The following MRM3 variants were observed in gnomAD, a reference collection of about 807,000 sequenced individuals.
MRM3 encodes the protein rRNA methyltransferase 3, mitochondrial.
MRM3 carries 26 observed loss-of-function variants against 29.4 expected under a neutral mutation model. The ratio of observed to expected loss-of-function variants is 0.89; its 90% confidence interval spans 0.65 to 1.23. The LOEUF (loss-of-function observed/expected upper bound fraction) is 1.23, where lower values mean the gene tolerates loss of function less well. Ranked by LOEUF, MRM3 falls within the 50% of genes most tolerant of loss-of-function variation. The pLI, the probability that MRM3 is intolerant of heterozygous loss-of-function variation, is 0.00. For synonymous variants in MRM3, 225 were observed against 219.0 expected (o/e 1.03, Z -0.24); for missense variants, 578 against 540.2 (o/e 1.07, Z -0.69).
At chr17:784,869 GCT>G (rs371457230) in intron 2 of MRM3, among the ~76,000 whole-genome samples, 316 of 152,288 alleles carry the variant, frequency 2.1e-3, no homozygotes, top group African/African-American at 7.0e-3. Flanking sequence ...CGAAGTGGAG[GCT>G]CTCTCACAGC....
rs895525940 is a variant in MRM3 at position 791,719 on chromosome 17, C to T, written c.913C>T (p.His305Tyr). ...TGAGATGTCTAATAAAGCTAGTGAC[C>T]ATGGCTGGGTGTGTGATCAACGAGT... ...QAEMSNKASD[H>Y]GWVCDQRVMK... is the part of the protein sequence containing the mutation. Residue 305 changes from histidine to tyrosine, a missense_variant, in exon 4 of 4, where the codon CAT (histidine) becomes TAT (tyrosine). Coordinates refer to ENST00000304478, the MANE Select transcript of MRM3 (RefSeq NM_018146.4). 18 of 1,614,080 alleles carry T rather than the reference C, an allele frequency of 1.1e-5. No homozygotes were observed. The highest frequency in any genetic ancestry group is 1.4e-5 in the Non-Finnish European group (16 of 1,180,052).
chr17:790,486 C>T, intron 3 of MRM3: 1 of 181,244 alleles, frequency 5.5e-6, no homozygotes, highest in Non-Finnish European at 1.2e-5. Flanking sequence ...CTCCCACCTC[C>T]TGTGCCACTA....
chr17:787,837 G>A lies in MRM3; in HGVS notation c.560-128G>A. The A allele has an allele frequency of 8.0e-6, 8 of 996,244 alleles. No homozygotes were observed. The highest frequency in any genetic ancestry group is 1.5e-6 in the Non-Finnish European group (1 of 650,544). The allele number at this position is 996,244 out of a possible 1,614,324, so 61.7% of individuals were successfully genotyped here. On this transcript the variant is annotated intron_variant, in intron 2 of 3. Transcript: ENST00000304478. This position sits in a 1 kb window ranked among gnomAD's most constrained non-coding sequence, Gnocchi z 4.1. The stretch of plus-strand genomic sequence containing the variant: ...GTGTTGGGATTACAGGCATGAGCCA[G>A]TACACCTGGCCTGTATTCCTGTATT...
At chr17:783,035 C>T (rs1347891651) in intron 1 of MRM3, 48 bp from the exon 2 acceptor site, 24 of 1,558,684 alleles carry the variant, frequency 1.5e-5, no homozygotes, top group South Asian at 2.4e-5. Flanking sequence ...GTCTCAGTAA[C>T]AAGGATGTTG....
intron 3 of MRM3, chr17:790,035 C>G (rs935495126): frequency 2.0e-5 from 3 of 152,296 alleles, no homozygotes; most frequent in Admixed American, 6.5e-5. Flanking sequence ...GTTACATCCT[C>G]TGTGTCTTAT....
chr17:783,290 G>T lies in MRM3; in HGVS notation c.522G>T (p.Lys174Asn), dbSNP rs1380770124. Residue 174 changes from lysine (K) to asparagine (N), a missense_variant, in exon 2 of 4, where the codon AAG (lysine) becomes AAT (asparagine). Physicochemically the swap from Lys to Asn is moderately conservative, Grantham distance 94. Transcript: ENST00000304478. The stretch of plus-strand genomic sequence containing the variant: ...TTAAGGTGAAATTTGAGGATATCAA[G>T]GATTGGTCCGACCTCGTAACGCCAC... ...SLIKVKFEDI[K>N]DWSDLVTPQG... is the part of the protein sequence containing the mutation. 1.2e-6 allele frequency: 2 copies of T among 1,613,882 alleles called. No homozygotes were observed. Among genetic ancestry groups the T allele is most frequent in the Non-Finnish European group, 8.5e-7 (1 of 1,179,894 alleles).
chr17:789,413 C>A (rs1462354753), intron 3 of MRM3, among the ~76,000 whole-genome samples: 1 of 152,190 alleles, frequency 6.6e-6, no homozygotes, highest in Admixed American at 6.5e-5. Flanking sequence ...ACAAATTCGC[C>A]TCATTACATT....
chr17:792,261 A>G lies in MRM3; in HGVS notation c.*192A>G, dbSNP rs144519540. 56 of 563,764 alleles carry G rather than the reference A, an allele frequency of 9.9e-5. No homozygotes were observed. Among genetic ancestry groups the G allele is most frequent in the African/African-American group, 9.8e-4 (52 of 53,246 alleles). 34.9% of individuals were successfully genotyped at this position (563,764 alleles called of 1,614,324 possible). A position where few individuals can be genotyped will look rare whatever the true frequency, so the allele number is the denominator to read the frequency against. On this transcript the variant is annotated 3_prime_UTR_variant, in exon 4 of 4. Coordinates refer to ENST00000304478, the MANE Select transcript of MRM3 (RefSeq NM_018146.4). ...CCGAATTCTTCCTGTCGCGTCACTG[A>G]TTTTGAGGTTCTTTTTTCTCTTGGT...
rs773145335 is a variant in MRM3 at position 791,718 on chromosome 17, C to A, written c.912C>A (p.Asp304Glu). 6.2e-7 allele frequency: 1 copy of A among 1,614,172 alleles called. No homozygotes were observed. ...CTGAGATGTCTAATAAAGCTAGTGA[C>A]CATGGCTGGGTGTGTGATCAACGAG... ...AQAEMSNKAS[D>E]HGWVCDQRVM... The change falls in exon 4 of 4, where the codon GAC becomes GAA. Residue 304 changes from aspartate to glutamate, a missense_variant. Asp to Glu is a conservative substitution (Grantham distance 45). Coordinates refer to ENST00000304478, the MANE Select transcript of MRM3 (RefSeq NM_018146.4).
intron 3 of MRM3, among the ~76,000 whole-genome samples, chr17:788,792 C>G (rs1231551482): frequency 1.3e-5 from 2 of 151,910 alleles, no homozygotes; most frequent in Non-Finnish European, 2.9e-5. Context: ...CAGGCAGACA[C>G]GGCTTTGGAT....
rs768273694 is a variant in MRM3, at chr17:782,600, A to G, written c.222A>G (p.Gln74=). Residue 74 remains glutamine (Q), a synonymous_variant, in exon 1 of 4, where the codon CAA becomes CAG. Coordinates refer to ENST00000304478, the MANE Select transcript of MRM3 (RefSeq NM_018146.4). ...EASAQEQREK[Q]PLEESASRAP... ...GTGCCCAGGAGCAACGAGAGAAACA[A>G]CCGCTCGAGGAGTCCGCATCCCGCG... 5 of 1,613,918 alleles carry G rather than the reference A, an allele frequency of 3.1e-6. No individual in the cohort carries two copies. The African/African-American group carries it at 4.0e-5, about 13-fold the overall frequency.
rs1910598773 is a variant in MRM3, at chr17:787,653, A to G, written c.560-312A>G. On this transcript the variant is annotated intron_variant, in intron 2 of 3. Transcript: ENST00000304478. The surrounding 1 kb of genome is among the most constrained non-coding windows in gnomAD (Gnocchi z 4.1). ...AACCTCCACCTCCCAGATTCAAGCG[A>G]TTCTCCTGCCTCAGCCTCCCAGGTA... Among the ~76,000 whole-genome samples the G allele has an allele frequency of 6.6e-6, 1 of 151,652 alleles. No homozygotes were observed. Among genetic ancestry groups the G allele is most frequent in the Admixed American group, 6.6e-5 (1 of 15,244 alleles).
chr17:791,627 T>A lies in MRM3; in HGVS notation c.821T>A (p.Val274Glu). Residue 274 changes from valine (V) to glutamate (E), a missense_variant, in exon 4 of 4, where the codon GTG (valine) becomes GAG (glutamate). Val to Glu is a moderately radical substitution (Grantham distance 121, BLOSUM62 -2). Coordinates refer to ENST00000304478, the MANE Select transcript of MRM3 (RefSeq NM_018146.4). The part of the protein sequence containing the change: ...PIINNLEWET[V>E]PNYLPPDTRV... ...ATCAATAATCTGGAATGGGAAACCG[T>A]GCCCAATTACCTGCCCCCTGACACT... The A allele has an allele frequency of 6.8e-6, 11 of 1,614,210 alleles. No individual in the cohort carries two copies. The highest frequency in any genetic ancestry group is 9.3e-6 in the Non-Finnish European group (11 of 1,180,040).
In MRM3 at chr17:783,298, C is replaced by G; in HGVS notation, c.530C>G (p.Ser177Cys). 1 of 1,613,742 alleles carries G rather than the reference C, an allele frequency of 6.2e-7. No homozygotes were observed. Among genetic ancestry groups the G allele is most frequent in the South Asian group, 1.1e-5 (1 of 91,046 alleles). ...KVKFEDIKDW[S>C]DLVTPQGIMG... The stretch of plus-strand genomic sequence containing the variant: ...AAATTTGAGGATATCAAGGATTGGT[C>G]CGACCTCGTAACGCCACAAGGAATA... The change falls in exon 2 of 4, where the codon TCC becomes TGC. Residue 177 changes from serine to cysteine, a missense_variant. Ser to Cys is a moderately radical substitution (Grantham distance 112). Transcript: ENST00000304478.
chr17:790,879 A>C (rs1300204958), intron 3 of MRM3, among the ~76,000 whole-genome samples: 3 of 3,118 alleles, frequency 9.6e-4, no homozygotes, highest in Non-Finnish European at 1.4e-3. Context: ...CCACACCCCC[A>C]CCCGCTGATT....
At position 787,675 on chromosome 17, in the gene MRM3, G is replaced by A. The variant is rs1171702145; in HGVS notation, c.560-290G>A. Among the ~76,000 whole-genome samples the A allele has an allele frequency of 1.3e-5, 2 of 152,072 alleles. No homozygotes were observed. Among genetic ancestry groups the A allele is most frequent in the Admixed American group, 6.6e-5 (1 of 15,262 alleles). Reference sequence around the variant, plus strand: ...GCGATTCTCCTGCCTCAGCCTCCCAGGTAGCTGGGACTAGAGGCATGCGCC... The same window carrying A: ...GCGATTCTCCTGCCTCAGCCTCCCAAGTAGCTGGGACTAGAGGCATGCGCC... On this transcript the variant is annotated intron_variant, in intron 2 of 3. Transcript: ENST00000304478. The surrounding 1 kb of genome is among the most constrained non-coding windows in gnomAD (Gnocchi z 4.1).
chr17:790,989 C>T (rs1389541289), intron 3 of MRM3, among the ~76,000 whole-genome samples: 1 of 150,636 alleles, frequency 6.6e-6, no homozygotes, highest in African/African-American at 2.4e-5. Flanking sequence ...GCTGGCTCAC[C>T]TCCTGTGCCG....
rs777634994 is a variant in MRM3 at position 783,336 on chromosome 17, T to C, written c.559+9T>C. ...GCCACAAGGAATAATGGGTTAGTGA[T>C]TACCCAGTGTATCTTTTTTTTTTTT... is the stretch of plus-strand genomic sequence containing the variant. On this transcript the variant is annotated intron_variant, in intron 2 of 3. Coordinates refer to ENST00000304478, the MANE Select transcript of MRM3 (RefSeq NM_018146.4). 1 of 1,570,140 alleles carries C rather than the reference T, an allele frequency of 6.4e-7. No homozygotes were observed. Among genetic ancestry groups the C allele is most frequent in the Non-Finnish European group, 8.6e-7 (1 of 1,163,738 alleles).
intron 3 of MRM3, among the ~76,000 whole-genome samples, chr17:788,619 A>C (rs1045796756): frequency 1.3e-5 from 2 of 152,102 alleles, no homozygotes; most frequent in Non-Finnish European, 2.9e-5. Context: ...TGCCCAGCCA[A>C]GTCAATCACT....
Sources: allele counts gnomAD v4.1 joint callset (sites outside exome capture counted in the v4.1 genomes callset), GRCh38; gene constraint gnomAD v4.1.1; non-coding constraint Gnocchi (gnomAD v3.1); transcripts MANE v1.5; gene names NCBI Gene and HGNC (gene_info 2026-07-23, HGNC 2026-07-21).